ANKRD44: variants seen among roughly 807,000 people sequenced by gnomAD.
ANKRD44 encodes the protein ankyrin repeat domain 44.
A neutral mutation model predicts 116.0 loss-of-function variants in ANKRD44; 35 were observed. The ratio of observed to expected loss-of-function variants is 0.30; its 90% CI spans 0.23 to 0.40. ANKRD44 has a LOEUF of 0.40. Among genes scored for constraint, ANKRD44 ranks in the 10% least tolerant of loss-of-function variants. ANKRD44 has a pLI of 1.00. For synonymous variants in ANKRD44, 435 were observed against 461.8 expected (o/e 0.94, Z 0.74); for missense variants, 1,014 against 1,242.6 (o/e 0.82, Z 2.77).
chr2:197,035,804 C>A (rs1436366229), intron 16 of ANKRD44, among the ~76,000 whole-genome samples: 30 of 151,724 alleles, frequency 2.0e-4, no homozygotes, highest in Non-Finnish European at 2.9e-5. Flanking sequence ...GAACGGGGGG[C>A]TGAGTCTGCA....
intron 27 of ANKRD44, chr2:196,992,690 A>G (rs1369984198): frequency 2.0e-5 from 3 of 152,664 alleles, no homozygotes; most frequent in Non-Finnish European, 2.9e-5. Flanking sequence ...TGGGGGACAC[A>G]GCAGGGTACA....
chr2:197,013,477 A>C (rs1218089062), intron 18 of ANKRD44, 34 bp downstream of exon 18: 1 of 1,606,326 alleles, frequency 6.2e-7, no homozygotes, highest in Non-Finnish European at 8.5e-7. Flanking sequence ...ACAAGCCACA[A>C]AACTAGGGTA....
downstream of ANKRD44, among the ~76,000 whole-genome samples, chr2:196,982,116 A>T (rs201902527): frequency 8.3e-6 from 1 of 120,302 alleles, no homozygotes; most frequent in Non-Finnish European, 1.8e-5. Context: ...AATTATATAT[A>T]TATATATATA....
At chr2:197,076,813 T>C (rs1437272179) in intron 16 of ANKRD44, among the ~76,000 whole-genome samples, 1 of 152,158 alleles carries the variant, frequency 6.6e-6, no homozygotes, top group African/African-American at 2.4e-5. Context: ...GCTGTATCCA[T>C]GTTCCTACAA....
Position 197,038,931 on chromosome 2 carries a change from A to G in ANKRD44, c.1651-13664T>C, listed in dbSNP as rs117379364. 1.9e-3 allele frequency among the ~76,000 whole-genome samples: 283 copies of G among 152,342 alleles called. 2 individuals carry two copies. The East Asian group carries it at 0.036, about 19-fold the overall frequency. On this transcript the variant is annotated intron_variant, in intron 16 of 27. Transcript: ENST00000282272. ...AAAGTAATGCAAAGAATTGCTGCAG[A>G]AGCCATTCCAAATGTGAAAAAAAAA...
At chr2:197,099,162 A>G (rs1162657608) in intron 10 of ANKRD44, among the ~76,000 whole-genome samples, 1 of 152,072 alleles carries the variant, frequency 6.6e-6, no homozygotes, top group African/African-American at 2.4e-5. Flanking sequence ...CCCTGTCTAT[A>G]TTCTGTGACA....
intron 12 of ANKRD44, among the ~76,000 whole-genome samples, chr2:197,088,246 C>A (rs1028136149): frequency 2.6e-5 from 4 of 152,096 alleles, no homozygotes; most frequent in African/African-American, 9.7e-5. Flanking sequence ...GTTTTCTTGA[C>A]CTATGTTCAC....
At chr2:197,043,432 T>C (rs1009493646) in intron 16 of ANKRD44, among the ~76,000 whole-genome samples, 8 of 152,120 alleles carry the variant, frequency 5.3e-5, no homozygotes, top group African/African-American at 1.9e-4. Context: ...GGTCTCAAAC[T>C]CCTGCCCTAA....
chr2:197,162,727 C>T (rs1273021201), intron 2 of ANKRD44, among the ~76,000 whole-genome samples: 1 of 152,198 alleles, frequency 6.6e-6, no homozygotes, highest in African/African-American at 2.4e-5. Flanking sequence ...CTGGACAGTA[C>T]CATCACATCT....
intron 3 of ANKRD44, among the ~76,000 whole-genome samples, chr2:197,137,923 A>C (rs1359990698): frequency 6.6e-6 from 1 of 152,160 alleles, no homozygotes; most frequent in Non-Finnish European, 1.5e-5. Context: ...TGGGTGTGCA[A>C]AAATCAATAG....
intron 14 of ANKRD44, 120 bp from the exon 15 acceptor site, chr2:197,081,845 C>T (rs1376449540): frequency 4.1e-6 from 3 of 738,182 alleles, no homozygotes; most frequent in Non-Finnish European, 6.8e-6. Context: ...AAGAAGTAAG[C>T]ACCACTGATT....
At chr2:197,057,634 G>T (rs2077227785) in intron 16 of ANKRD44, among the ~76,000 whole-genome samples, 3 of 152,122 alleles carry the variant, frequency 2.0e-5, no homozygotes, top group Admixed American at 6.6e-5. Context: ...AGCACTTTGG[G>T]AAGCCAAGGC....
intron 16 of ANKRD44, among the ~76,000 whole-genome samples, chr2:197,076,374 T>A (rs2077666018): frequency 6.6e-6 from 1 of 152,272 alleles, no homozygotes; most frequent in East Asian, 1.9e-4. Context: ...TTTCCTAACA[T>A]CTAATACCCA....
chr2:196,980,151 C>A (rs960991455), intron 21 of ANKRD44, among the ~76,000 whole-genome samples: 3 of 152,134 alleles, frequency 2.0e-5, no homozygotes, highest in African/African-American at 7.2e-5. Flanking sequence ...ACAATGCAAG[C>A]ACCCAGATGG....
chr2:197,258,124 A>T (rs1254738827), intron 1 of ANKRD44, among the ~76,000 whole-genome samples: 1 of 150,700 alleles, frequency 6.6e-6, no homozygotes, highest in Admixed American at 6.6e-5. Flanking sequence ...TATTTTTGAG[A>T]TGGAGTCTTG....
At chr2:197,252,095 G>C (rs2082330068) in intron 1 of ANKRD44, among the ~76,000 whole-genome samples, 1 of 152,016 alleles carries the variant, frequency 6.6e-6, no homozygotes, top group Admixed American at 6.6e-5. Context: ...AAATCAGAGG[G>C]GGAATAAAGC....
At chr2:197,210,637 A>G (rs1347926503) in intron 1 of ANKRD44, among the ~76,000 whole-genome samples, 1 of 152,232 alleles carries the variant, frequency 6.6e-6, no homozygotes, top group East Asian at 1.9e-4. Flanking sequence ...CATGCAAGGC[A>G]GGCCTTAAGA....
At chr2:197,277,340 C>T (rs924525312) in intron 1 of ANKRD44, among the ~76,000 whole-genome samples, 3 of 152,004 alleles carry the variant, frequency 2.0e-5, no homozygotes, top group African/African-American at 7.3e-5. Context: ...ACCATCATGT[C>T]AGGCACATAA....
chr2:197,119,113 C>T (rs2579402), intron 8 of ANKRD44, among the ~76,000 whole-genome samples: 141,495 of 152,182 alleles, frequency 0.93, 66,066 homozygotes, highest in East Asian at 1. Flanking sequence ...CCCTAAGTTG[C>T]TCTTATTTTA....
Sources: gnomAD v4.1 joint callset for allele counts (sites outside exome capture counted in the v4.1 genomes callset) on GRCh38, gnomAD v4.1.1 for gene constraint, MANE v1.5 for transcripts, NCBI Gene and HGNC (gene_info 2026-07-23, HGNC 2026-07-21) for gene names.